Variants in CAPRIN2 observed in about 807,000 individuals in gnomAD.
The protein encoded by CAPRIN2 is caprin family member 2, also known as caprin-2.
A neutral mutation model predicts 130.4 loss-of-function variants in CAPRIN2; 66 were observed. The ratio of observed to expected loss-of-function variants is 0.51; its 90% CI spans 0.42 to 0.62. CAPRIN2 has a LOEUF of 0.62. Ranked by LOEUF, CAPRIN2 falls within the 20% of genes least tolerant of loss-of-function variation. The probability of loss-of-function intolerance (pLI) is 0.00; values close to 1 mark genes in which losing one functional copy is unlikely to be tolerated. For synonymous variants in CAPRIN2, 471 were observed against 444.1 expected (o/e 1.06, Z -0.76); for missense variants, 1,185 against 1,246.6 (o/e 0.95, Z 0.74).
chr12:30,754,005 A>T, exon 1 of CAPRIN2: 1 of 458,870 alleles, frequency 2.2e-6, no homozygotes, highest in Non-Finnish European at 3.9e-6. Flanking sequence ...AGCCACTCAA[A>T]CCTCTTTACA....
intron 13 of CAPRIN2, chr12:30,715,772 A>G (rs1358982246): frequency 5.1e-6 from 1 of 197,606 alleles, no homozygotes; most frequent in Non-Finnish European, 1.0e-5. Context: ...AAGGCACCTG[A>G]CAAAAATATC....
chr12:30,747,315 G>C (rs983090969), intron 2 of CAPRIN2, among the ~76,000 whole-genome samples: 5 of 152,178 alleles, frequency 3.3e-5, no homozygotes, highest in Non-Finnish European at 7.3e-5. Context: ...ATGTTTTCAT[G>C]CCTGATAACA....
At chr12:30,717,619 C>A (rs1220196927) in intron 12 of CAPRIN2, among the ~76,000 whole-genome samples, 1 of 151,926 alleles carries the variant, frequency 6.6e-6, no homozygotes, top group Non-Finnish European at 1.5e-5. Context: ...AAAAACACTC[C>A]TACTTGATTC....
intron 1 of CAPRIN2, 130 bp from the exon 3 acceptor site, chr12:30,751,263 T>C: frequency 1.4e-6 from 1 of 719,520 alleles, no homozygotes; most frequent in Non-Finnish European, 2.5e-6. Context: ...ACTATCATTT[T>C]ACTATACGGC....
chr12:30,740,468 A>T (rs898405460), intron 3 of CAPRIN2, among the ~76,000 whole-genome samples: 2 of 152,156 alleles, frequency 1.3e-5, no homozygotes, highest in Non-Finnish European at 2.9e-5. Context: ...AGTGTTTAAG[A>T]CTTCATATTA....
At chr12:30,722,256 G>A (rs968598525) in intron 11 of CAPRIN2, among the ~76,000 whole-genome samples, 1 of 152,018 alleles carries the variant, frequency 6.6e-6, no homozygotes. Context: ...GAATAAACAT[G>A]ATATTTGAAA....
At chr12:30,717,487 C>A (rs4931363) in intron 12 of CAPRIN2, among the ~76,000 whole-genome samples, 11,050 of 152,044 alleles carry the variant, frequency 0.073, 465 homozygotes, top group Middle Eastern at 0.13. Context: ...TGACAAAGTT[C>A]TGAAAGTAGT....
chr12:30,715,026 A>AT lies in CAPRIN2; in HGVS notation c.2432_2433insA (p.Val812CysfsTer2), dbSNP rs1465200003. 2 of 1,613,972 alleles carry AT rather than the reference A, an allele frequency of 1.2e-6. No individual in the cohort carries two copies. Among genetic ancestry groups the AT allele is most frequent in the Non-Finnish European group, 1.7e-6 (2 of 1,179,964 alleles). On this transcript the variant is annotated frameshift_variant, in exon 14 of 17. Transcript: ENST00000298892. LOFTEE classifies it high-confidence loss of function. The stretch of plus-strand genomic sequence containing the variant: ...TCCCACCACGAGTACATCCTCTAAC[A>AT]GATCCCCGGCTATTGACAAATGGCT...
At chr12:30,730,324 G>A (rs780235848) in intron 6 of CAPRIN2, 42 bp from the exon 8 acceptor site, 12 of 1,404,022 alleles carry the variant, frequency 8.5e-6, no homozygotes, top group East Asian at 2.3e-5. Context: ...TAGGTGAACT[G>A]TAAGTTTTTA....
chr12:30,714,798 T>A (rs1275907103), intron 14 of CAPRIN2, 161 bp downstream of exon 16: 1 of 515,780 alleles, frequency 1.9e-6, no homozygotes, highest in Non-Finnish European at 3.4e-6. Context: ...TCCTCTGTTA[T>A]GGAGAATAGG....
chr12:30,731,402 A>G lies in CAPRIN2; in HGVS notation c.1001T>C (p.Met334Thr), dbSNP rs61735414. The stretch of plus-strand genomic sequence containing the variant: ...TGTTTTTTTCTCTGATTGTATTAGC[A>G]TTTCTTCCTCCAGTGGTACTTCCTT... The change falls in exon 6 of 17, where the codon ATG becomes ACG. Residue 334 changes from methionine to threonine, a missense_variant. By Grantham distance (81) the Met-to-Thr change is moderately conservative (BLOSUM62 -1). Transcript: ENST00000298892. The G allele has an allele frequency of 1.8e-3, 2,968 of 1,613,146 alleles. 37 individuals carry two copies. The African/African-American group carries it at 0.033, about 18-fold the overall frequency.
intron 2 of CAPRIN2, among the ~76,000 whole-genome samples, chr12:30,741,793 C>T (rs550026800): frequency 7.6e-4 from 116 of 152,158 alleles, no homozygotes; most frequent in African/African-American, 2.7e-3. Context: ...TAAAGTATTA[C>T]ACTCCAAGGT....
chr12:30,729,590 C>T (rs2061964912), intron 7 of CAPRIN2, among the ~76,000 whole-genome samples: 1 of 152,218 alleles, frequency 6.6e-6, no homozygotes, highest in Non-Finnish European at 1.5e-5. Flanking sequence ...CTAAGACTGG[C>T]AAGAATTGCT....
upstream of CAPRIN2, chr12:30,754,683 G>A (rs951079729): frequency 1.3e-5 from 2 of 152,528 alleles, no homozygotes; most frequent in African/African-American, 4.8e-5. Flanking sequence ...GCCCAGACCT[G>A]CCCACCCTCG....
Position 30,710,611 on chromosome 12 carries a change from T to C in CAPRIN2, c.2666-141A>G. ...ACAAAAGCAATATATAGCTAGATTA[T>C]ACTTTTCTAGATTTTTCTGGTAATA... On this transcript the variant is annotated intron_variant, in intron 16 of 16. Coordinates refer to ENST00000298892, the Ensembl canonical transcript of CAPRIN2. The surrounding 1 kb of genome is among the most constrained non-coding windows in gnomAD (Gnocchi z 4.8). 7.6e-7 allele frequency: 1 copy of C among 1,308,130 alleles called. No homozygotes were observed. Among genetic ancestry groups the C allele is most frequent in the Non-Finnish European group, 1.0e-6 (1 of 976,478 alleles). The allele number at this position is 1,308,130 out of a possible 1,614,324, so 81.0% of individuals were successfully genotyped here. A position where few individuals can be genotyped will look rare whatever the true frequency, so the allele number is the denominator to read the frequency against.
chr12:30,727,970 G>A (rs2061431820), intron 8 of CAPRIN2, among the ~76,000 whole-genome samples: 1 of 152,154 alleles, frequency 6.6e-6, no homozygotes, highest in Non-Finnish European at 1.5e-5. Flanking sequence ...TATTCGTATA[G>A]CAGGTAAATG....
At chr12:30,732,313 T>C (rs1257081398) in intron 5 of CAPRIN2, among the ~76,000 whole-genome samples, 1 of 152,052 alleles carries the variant, frequency 6.6e-6, no homozygotes, top group African/African-American at 2.4e-5. Context: ...TTTTAGTCTA[T>C]TATTCCTTTC....
chr12:30,715,640 T>C (rs924495827), intron 13 of CAPRIN2: 6 of 264,456 alleles, frequency 2.3e-5, no homozygotes, highest in African/African-American at 1.2e-4. Flanking sequence ...CAGAACTATA[T>C]AGTTAAAAAT....
intron 2 of CAPRIN2, among the ~76,000 whole-genome samples, chr12:30,748,915 T>C (rs906301613): frequency 6.6e-6 from 1 of 152,144 alleles, no homozygotes; most frequent in Non-Finnish European, 1.5e-5. Context: ...GAACTTACAT[T>C]GTAAGGGTAG....
Sources: allele counts gnomAD v4.1 joint callset (sites outside exome capture counted in the v4.1 genomes callset), GRCh38; gene constraint gnomAD v4.1.1; non-coding constraint Gnocchi (gnomAD v3.1); transcripts MANE v1.5; gene names NCBI Gene and HGNC (gene_info 2026-07-23, HGNC 2026-07-21).